The following NUDT21 variants were observed in gnomAD, a reference collection of about 807,000 sequenced individuals.
The protein encoded by NUDT21 is nudix hydrolase 21.
Under a neutral mutation model 29.8 loss-of-function variants are expected in NUDT21, and 5 were observed. The ratio of observed to expected loss-of-function variants is 0.17; its 90% confidence interval spans 0.09 to 0.35. NUDT21 has a LOEUF of 0.35. NUDT21 is among the 10% of genes least tolerant of loss of function. The probability of loss-of-function intolerance (pLI) is 1.00; values close to 1 mark genes in which losing one functional copy is unlikely to be tolerated. For missense variants in NUDT21, 76 were observed against 276.0 expected (o/e 0.28, Z 5.13); for synonymous variants, 113 against 98.5 (o/e 1.15, Z -0.87).
chr16:56,439,547 G>T, intron 4 of NUDT21, 110 bp downstream of exon 4: 1 of 776,294 alleles, frequency 1.3e-6, no homozygotes, highest in Admixed American at 2.1e-5. Context: ...ATTAAGGAGG[G>T]AAGAAAAGAA....
chr16:56,448,103 A>G, intron 1 of NUDT21, 114 bp from the exon 2 acceptor site: 1 of 832,430 alleles, frequency 1.2e-6, no homozygotes, highest in Admixed American at 2.5e-5. Flanking sequence ...GTACTCAGAC[A>G]CAGGATTTGT....
intron 3 of NUDT21, among the ~76,000 whole-genome samples, chr16:56,440,452 T>A (rs1210147637): frequency 6.6e-6 from 1 of 152,242 alleles, no homozygotes; most frequent in African/African-American, 2.4e-5. Context: ...TAAGATACCA[T>A]ATTACACTTA....
chr16:56,447,769 T>TA lies in NUDT21; in HGVS notation c.317+19dup, dbSNP rs766399144. ...ATCCTACTAAAAACTGTCTTGCTGTTAATTTCCAACACTACTTACAGTTTG... is the reference window on the plus strand; with the variant it reads ...ATCCTACTAAAAACTGTCTTGCTGTTAAATTTCCAACACTACTTACAGTTTG... On this transcript the variant is annotated intron_variant, in intron 2 of 6. Coordinates refer to ENST00000300291, the MANE Select transcript of NUDT21 (RefSeq NM_007006.3). 42 of 1,612,170 alleles carry TA rather than the reference T, an allele frequency of 2.6e-5. No homozygotes were observed. The highest frequency in any genetic ancestry group is 3.5e-5 in the Non-Finnish European group (41 of 1,178,258).
intron 1 of NUDT21, among the ~76,000 whole-genome samples, chr16:56,450,056 C>G (rs1440967750): frequency 2.6e-5 from 4 of 152,054 alleles, no homozygotes; most frequent in Non-Finnish European, 4.4e-5. Flanking sequence ...GGTTGGGGGA[C>G]GGGGAGACAA....
chr16:56,433,263 T>A (rs964216363), intron 6 of NUDT21, among the ~76,000 whole-genome samples: 2 of 152,242 alleles, frequency 1.3e-5, no homozygotes, highest in African/African-American at 4.8e-5. Flanking sequence ...TGTACCAGAT[T>A]ACTGGCACTG....
At position 56,437,727 on chromosome 16, in the gene NUDT21, GTCTC is replaced by G. The variant is rs749736688; in HGVS notation, c.471+1926_471+1929del. On this transcript the variant is annotated intron_variant, in intron 4 of 6. Coordinates refer to ENST00000300291, the MANE Select transcript of NUDT21 (RefSeq NM_007006.3). ...CCCTGTCTTACTTCTGCTGCTTCTG[GTCTC>G]TCTCTCCCCTGTATTCTGCTGCTTC... 2.0e-5 allele frequency among the ~76,000 whole-genome samples: 3 copies of G among 152,038 alleles called. No individual in the cohort carries two copies. In the South Asian group the frequency reaches 6.2e-4, roughly 32 times the overall value.
chr16:56,436,099 T>C (rs1962101421), intron 4 of NUDT21, among the ~76,000 whole-genome samples: 1 of 151,052 alleles, frequency 6.6e-6, no homozygotes, highest in Admixed American at 6.6e-5. Context: ...GAAGGAAAAA[T>C]TCTGACACAG....
chr16:56,443,471 G>A (rs928722789), intron 3 of NUDT21, among the ~76,000 whole-genome samples: 5 of 152,106 alleles, frequency 3.3e-5, no homozygotes, highest in Non-Finnish European at 2.9e-5. Flanking sequence ...ACCGCGCCTG[G>A]CCCAGGACTA....
chr16:56,434,557 C>T, intron 5 of NUDT21, 112 bp from the exon 6 acceptor site: 1 of 791,854 alleles, frequency 1.3e-6, no homozygotes, highest in Non-Finnish European at 2.1e-6. Context: ...AAAGATAATT[C>T]TCATTAATAC....
chr16:56,445,731 T>C (rs1457269853), intron 3 of NUDT21, among the ~76,000 whole-genome samples: 1 of 152,232 alleles, frequency 6.6e-6, no homozygotes, highest in Non-Finnish European at 1.5e-5. Flanking sequence ...TAGTTATAAT[T>C]TGCCCATCTG....
chr16:56,441,169 G>A (rs1476990257), intron 3 of NUDT21, among the ~76,000 whole-genome samples: 2 of 152,150 alleles, frequency 1.3e-5, no homozygotes, highest in Non-Finnish European at 2.9e-5. Flanking sequence ...AAAGCACTGG[G>A]ATTACAGGTG....
intron 3 of NUDT21, among the ~76,000 whole-genome samples, chr16:56,444,915 G>A (rs1277806000): frequency 2.0e-5 from 3 of 152,124 alleles, no homozygotes; most frequent in African/African-American, 4.8e-5. Flanking sequence ...CGGGCGTGGT[G>A]GCTCATGCCT....
chr16:56,447,303 C>T (rs1305354415), intron 2 of NUDT21, among the ~76,000 whole-genome samples: 1 of 152,098 alleles, frequency 6.6e-6, no homozygotes, highest in Non-Finnish European at 1.5e-5. Flanking sequence ...GAATGGGAAA[C>T]TTTTTCAAGA....
At chr16:56,441,993 G>A (rs1016970375) in intron 3 of NUDT21, among the ~76,000 whole-genome samples, 4 of 152,052 alleles carry the variant, frequency 2.6e-5, no homozygotes, top group African/African-American at 4.8e-5. Flanking sequence ...GGGTTCAAGC[G>A]CTTCTCTCAC....
rs1962034526 is a variant in NUDT21 at position 56,431,615 on chromosome 16, C to G, written c.*1097G>C. On this transcript the variant is annotated 3_prime_UTR_variant, in exon 7 of 7. Transcript: ENST00000300291. ...TACATTAAGCCTATAGTCAACAAGT[C>G]TGTAATAAGGCATACATGCTATACT... The G allele has an allele frequency of 1.3e-5, 2 of 152,166 alleles. No homozygotes were observed. The highest frequency in any genetic ancestry group is 2.9e-5 in the Non-Finnish European group (2 of 68,030). 9.4% of individuals were successfully genotyped at this position (152,166 alleles called of 1,614,324 possible). A position where few individuals can be genotyped will look rare whatever the true frequency, so the allele number is the denominator to read the frequency against.
intron 3 of NUDT21, 43 bp from the exon 4 acceptor site, chr16:56,439,789 C>T (rs750394213): frequency 2.8e-6 from 4 of 1,439,474 alleles, no homozygotes; most frequent in South Asian, 2.3e-5. Flanking sequence ...AATATATGTA[C>T]TCACAAATCC....
chr16:56,441,678 G>A (rs1962161446), intron 3 of NUDT21, among the ~76,000 whole-genome samples: 2 of 152,134 alleles, frequency 1.3e-5, no homozygotes, highest in Non-Finnish European at 2.9e-5. Context: ...TCAATATTCA[G>A]TATTTAAGTT....
intron 1 of NUDT21, among the ~76,000 whole-genome samples, chr16:56,448,425 C>T (rs1329221893): frequency 6.6e-6 from 1 of 152,170 alleles, no homozygotes; most frequent in Non-Finnish European, 1.5e-5. Context: ...TAAAACTAAG[C>T]CACCGTTTTT....
intron 3 of NUDT21, among the ~76,000 whole-genome samples, chr16:56,441,402 T>C (rs1596955927): frequency 2.0e-5 from 3 of 151,736 alleles, no homozygotes; most frequent in Admixed American, 6.6e-5. Flanking sequence ...ACACCCAGCT[T>C]TTTTGTATTT....
Sources: gnomAD v4.1 joint callset for allele counts (sites outside exome capture counted in the v4.1 genomes callset) on GRCh38, gnomAD v4.1.1 for gene constraint, MANE v1.5 for transcripts, NCBI Gene and HGNC (gene_info 2026-07-23, HGNC 2026-07-21) for gene names.